Variants in DPH6 observed in about 807,000 individuals in gnomAD.
The protein encoded by DPH6 is diphthine--ammonia ligase.
A neutral mutation model predicts 38.2 loss-of-function variants in DPH6; 33 were observed. The ratio of observed to expected loss-of-function variants is 0.86; its 90% confidence interval spans 0.65 to 1.15. The LOEUF (loss-of-function observed/expected upper bound fraction) is 1.15, where lower values mean the gene tolerates loss of function less well. Among genes scored for constraint, DPH6 ranks in the 50% most tolerant of loss-of-function variants. DPH6 has a pLI of 0.00. For missense variants in DPH6, 325 were observed against 320.0 expected (o/e 1.02, Z -0.12); for synonymous variants, 108 against 103.0 (o/e 1.05, Z -0.30).
chr15:35,298,828 A>G, intron 3 of DPH6: 1 of 1,082,796 alleles, frequency 9.2e-7, no homozygotes, highest in Non-Finnish European at 1.4e-6. Flanking sequence ...TGGGGGAGGA[A>G]TGGCAGTTTT....
In DPH6 at chr15:35,397,868, TACACACAC is replaced by T. The variant is rs57530358; in HGVS notation, c.567+12959_567+12966del. On this transcript the variant is annotated intron_variant, in intron 6 of 8. Coordinates refer to ENST00000256538, the MANE Select transcript of DPH6 (RefSeq NM_080650.4). The stretch of plus-strand genomic sequence containing the variant: ...AATAGATGGAATCAATTTATATATA[TACACACAC>T]ACACACACACACACACACACACACA... Among the ~76,000 whole-genome samples, 31 of 87,310 alleles carry T rather than the reference TACACACAC, an allele frequency of 3.6e-4. 1 individual carries two copies. The highest frequency in any genetic ancestry group is 3.0e-3 in the South Asian group (6 of 2,000). The allele number at this position is 87,310 out of a possible 152,430, so 57.3% of individuals were successfully genotyped here.
chr15:35,393,828 T>C (rs939550323), intron 6 of DPH6, among the ~76,000 whole-genome samples: 1 of 152,210 alleles, frequency 6.6e-6, no homozygotes, highest in African/African-American at 2.4e-5. Context: ...AATGGAGGAT[T>C]GAGGAAAGTT....
At chr15:35,210,810 G>T in the DPH6 span, among the ~76,000 whole-genome samples, 2 of 152,034 alleles carry the variant, frequency 1.3e-5, no homozygotes, top group Non-Finnish European at 2.9e-5. Flanking sequence ...GTGTTTATGG[G>T]ATAGGGGCTG....
At chr15:35,444,710 G>C (rs1566912044) in intron 5 of DPH6, among the ~76,000 whole-genome samples, 1 of 152,164 alleles carries the variant, frequency 6.6e-6, no homozygotes, top group Non-Finnish European at 1.5e-5. Context: ...TACTCTATGA[G>C]TCCAGTCATT....
chr15:35,254,951 G>A (rs1233238293), intron 3 of DPH6, among the ~76,000 whole-genome samples: 1 of 152,178 alleles, frequency 6.6e-6, no homozygotes, highest in African/African-American at 2.4e-5. Context: ...ACATTGATCA[G>A]TTAGGGTGGG....
chr15:35,491,057 C>G (rs1595411607), intron 3 of DPH6, among the ~76,000 whole-genome samples: 1 of 152,244 alleles, frequency 6.6e-6, no homozygotes, highest in African/African-American at 2.4e-5. Flanking sequence ...GCAGAGCCCT[C>G]ACAATATAAT....
intron 3 of DPH6, among the ~76,000 whole-genome samples, chr15:35,249,459 G>A (rs2051657089): frequency 6.6e-6 from 1 of 152,164 alleles, no homozygotes; most frequent in South Asian, 2.1e-4. Flanking sequence ...AGATATTTAA[G>A]GAGATAGATG....
chr15:35,232,901 A>C (rs2051527850), intron 3 of DPH6, among the ~76,000 whole-genome samples: 2 of 152,256 alleles, frequency 1.3e-5, no homozygotes, highest in Non-Finnish European at 2.9e-5. Flanking sequence ...AATAATGTTC[A>C]ACTGCAGAAA....
chr15:35,221,087 G>A (rs1310261375), intron 3 of DPH6, among the ~76,000 whole-genome samples: 1 of 152,194 alleles, frequency 6.6e-6, no homozygotes, highest in Admixed American at 6.5e-5. Context: ...TATTCCAAAA[G>A]GGGGAAAAGA....
intron 5 of DPH6, among the ~76,000 whole-genome samples, chr15:35,435,386 A>G (rs538367786): frequency 1.3e-5 from 2 of 152,352 alleles, no homozygotes; most frequent in Admixed American, 6.5e-5. Context: ...AAAGGCAAAC[A>G]TTGAGCAGTA....
the DPH6 span, among the ~76,000 whole-genome samples, chr15:35,183,811 A>G: frequency 6.6e-6 from 1 of 152,200 alleles, no homozygotes; most frequent in South Asian, 2.1e-4. Flanking sequence ...TCCTTCATAT[A>G]CAATGTTAAA....
At chr15:35,401,046 C>G in intron 6 of DPH6, 1 of 886,774 alleles carries the variant, frequency 1.1e-6, no homozygotes, top group South Asian at 1.3e-5. Flanking sequence ...AGAACATCAC[C>G]TAAGAGATTA....
intron 3 of DPH6, among the ~76,000 whole-genome samples, chr15:35,487,975 T>C (rs891339542): frequency 6.6e-6 from 1 of 152,234 alleles, no homozygotes; most frequent in Admixed American, 6.5e-5. Context: ...CCCTCAATCA[T>C]CTCTCTCAAG....
chr15:35,534,763 G>C (rs1340231626), intron 3 of DPH6, among the ~76,000 whole-genome samples: 1 of 152,152 alleles, frequency 6.6e-6, no homozygotes, highest in African/African-American at 2.4e-5. Context: ...CAAACAACTA[G>C]TGGAAGAACC....
At chr15:35,433,096 T>C (rs1272694789) in intron 5 of DPH6, among the ~76,000 whole-genome samples, 1 of 152,164 alleles carries the variant, frequency 6.6e-6, no homozygotes, top group Admixed American at 6.5e-5. Flanking sequence ...TATAATTGTG[T>C]CAAAGAAGTT....
chr15:35,255,102 A>C (rs1032972056), intron 3 of DPH6, among the ~76,000 whole-genome samples: 1 of 152,218 alleles, frequency 6.6e-6, no homozygotes, highest in Non-Finnish European at 1.5e-5. Context: ...GAGGCCTGAC[A>C]CTTGGTAAAA....
At chr15:35,202,503 G>A in the DPH6 span, among the ~76,000 whole-genome samples, 10 of 151,802 alleles carry the variant, frequency 6.6e-5, no homozygotes, top group South Asian at 2.1e-3. Flanking sequence ...TTCCACTTAG[G>A]GGAGAAGCCT....
At chr15:35,505,149 C>G (rs1189585695) in intron 3 of DPH6, among the ~76,000 whole-genome samples, 1 of 152,006 alleles carries the variant, frequency 6.6e-6, no homozygotes, top group African/African-American at 2.4e-5. Context: ...TGTTCAACTG[C>G]GTATAAGTGT....
At chr15:35,296,370 T>A (rs973239901) in intron 3 of DPH6, among the ~76,000 whole-genome samples, 1 of 152,222 alleles carries the variant, frequency 6.6e-6, no homozygotes, top group Non-Finnish European at 1.5e-5. Flanking sequence ...TAAAGCCTAC[T>A]TATTCTAGCT....
Sources: allele counts gnomAD v4.1 joint callset (sites outside exome capture counted in the v4.1 genomes callset), GRCh38; gene constraint gnomAD v4.1.1; transcripts MANE v1.5; gene names NCBI Gene and HGNC (gene_info 2026-07-23, HGNC 2026-07-21).